HSD17B12: variants seen among roughly 807,000 people sequenced by gnomAD.
HSD17B12 encodes the protein hydroxysteroid 17-beta dehydrogenase 12.
In HSD17B12, 32 loss-of-function variants were observed where a neutral mutation model predicts 39.3. That is an observed-to-expected ratio of 0.81 (90% confidence interval 0.61 to 1.09). The LOEUF is 1.09. HSD17B12 is among the 50% of genes least tolerant of loss of function. HSD17B12 has a pLI of 0.00. For missense variants in HSD17B12, 342 were observed against 382.9 expected (o/e 0.89, Z 0.89); for synonymous variants, 150 against 146.7 (o/e 1.02, Z -0.16).
intron 3 of HSD17B12, among the ~76,000 whole-genome samples, chr11:43,777,307 G>C (rs1427816716): frequency 6.6e-6 from 1 of 152,196 alleles, no homozygotes; most frequent in Admixed American, 6.5e-5. Flanking sequence ...AGTTCTCCTT[G>C]AAGAGGTCCT....
chr11:43,783,251 A>G (rs908517216), intron 3 of HSD17B12, among the ~76,000 whole-genome samples: 3 of 152,204 alleles, frequency 2.0e-5, no homozygotes, highest in Non-Finnish European at 2.9e-5. Flanking sequence ...ATTCATCAAT[A>G]GTAATTATTC....
Position 43,824,503 on chromosome 11 carries a change from G to A in HSD17B12, c.502-6473G>A, listed in dbSNP as rs190206203. Among the ~76,000 whole-genome samples, 20 of 152,288 alleles carry A rather than the reference G, an allele frequency of 1.3e-4. No individual in the cohort carries two copies. The East Asian group carries it at 3.9e-3, about 29-fold the overall frequency. ...CCCACCAGATTTGGTGTCGAGTGAGGACCCCATTCTTCATAGATGGAGCCT... is the reference window on the plus strand; with the variant it reads ...CCCACCAGATTTGGTGTCGAGTGAGAACCCCATTCTTCATAGATGGAGCCT... On this transcript the variant is annotated intron_variant, in intron 6 of 10. Transcript: ENST00000278353.
chr11:43,815,123 A>T (rs1460491229), intron 4 of HSD17B12, among the ~76,000 whole-genome samples: 1 of 152,192 alleles, frequency 6.6e-6, no homozygotes, highest in African/African-American at 2.4e-5. Context: ...GAGTTAAGTA[A>T]TATCTCCAAA....
chr11:43,634,361 C>T, the HSD17B12 span, among the ~76,000 whole-genome samples: 1 of 152,136 alleles, frequency 6.6e-6, no homozygotes, highest in Admixed American at 6.5e-5. Flanking sequence ...TGGAAAAGTC[C>T]AAATAATCCA....
Position 43,855,243 on chromosome 11 carries a change from A to G in HSD17B12, c.934A>G (p.Asn312Asp). The G allele has an allele frequency of 6.3e-7, 1 of 1,595,670 alleles. No individual in the cohort carries two copies. Reference sequence around the variant, plus strand: ...TCACTATCTGAAGAAAACCAAGAAGAACTAAGCATTGATAACTGCATTGTA... The same window carrying G: ...TCACTATCTGAAGAAAACCAAGAAGGACTAAGCATTGATAACTGCATTGTA... Reference protein sequence around the residue: ...RAHYLKKTKKN With the variant: ...RAHYLKKTKKD The change falls in exon 11 of 11, where the codon AAC (asparagine) becomes GAC (aspartate). Residue 312 changes from asparagine to aspartate, a missense_variant. Asn to Asp is a conservative substitution (Grantham distance 23, BLOSUM62 1). Coordinates refer to ENST00000278353, the MANE Select transcript of HSD17B12 (RefSeq NM_016142.3).
At chr11:43,645,083 T>G in the HSD17B12 span, 1 of 152,274 alleles carries the variant, frequency 6.6e-6, no homozygotes, top group African/African-American at 2.4e-5. Flanking sequence ...CTGTGTTACC[T>G]TACTCTTGGC....
intron 9 of HSD17B12, chr11:43,854,451 T>C: frequency 2.6e-6 from 1 of 386,762 alleles, no homozygotes; most frequent in East Asian, 4.4e-5. Context: ...TTTTTAAAGG[T>C]TCAAAAAGGT....
At chr11:43,628,058 TG>T in the HSD17B12 span, among the ~76,000 whole-genome samples, 3 of 151,854 alleles carry the variant, frequency 2.0e-5, no homozygotes, top group African/African-American at 7.2e-5. Context: ...TTCTTTTTTT[TG>T]GTCAGTTTCC....
intron 1 of HSD17B12, among the ~76,000 whole-genome samples, chr11:43,701,458 A>G (rs1949963908): frequency 6.6e-6 from 1 of 152,184 alleles, no homozygotes; most frequent in South Asian, 2.1e-4. Flanking sequence ...TGGTAGTTTC[A>G]TAGTTTGAGG....
intron 1 of HSD17B12, among the ~76,000 whole-genome samples, chr11:43,749,659 A>G (rs1950447275): frequency 1.3e-5 from 2 of 151,102 alleles, no homozygotes; most frequent in South Asian, 4.2e-4. Context: ...TTAATTCTGG[A>G]AAGATATCAG....
At chr11:43,708,922 A>G (rs1052188583) in intron 1 of HSD17B12, among the ~76,000 whole-genome samples, 3 of 152,246 alleles carry the variant, frequency 2.0e-5, no homozygotes, top group African/African-American at 4.8e-5. Flanking sequence ...TTCTGGAACT[A>G]TAGAACAGAC....
chr11:43,680,980 A>C lies in HSD17B12; in HGVS notation c.153A>C (p.Glu51Asp), dbSNP rs56168061. 28 of 1,600,980 alleles carry C rather than the reference A, an allele frequency of 1.7e-5. No homozygotes were observed. In the Admixed American group the frequency reaches 4.8e-4, roughly 27 times the overall value. Residue 51 changes from glutamate (E) to aspartate (D), a missense_variant, in exon 1 of 11, where the codon GAA becomes GAC. Coordinates refer to ENST00000278353, the MANE Select transcript of HSD17B12 (RefSeq NM_016142.3). ...NEAGVGPGLG[E>D]WAVVTGSTDG... is the part of the protein sequence containing the mutation. ...CGGGGGTCGGCCCGGGGCTCGGAGA[A>C]TGGGCAGGTGAGTCGGATGCAGCGC...
At chr11:43,661,650 C>CA in the HSD17B12 span, among the ~76,000 whole-genome samples, 6 of 151,324 alleles carry the variant, frequency 4.0e-5, no homozygotes, top group African/African-American at 1.2e-4. Flanking sequence ...CCATTCTCCA[C>CA]AAAAAAGGAG....
In HSD17B12 at chr11:43,815,512, CT is replaced by C; in HGVS notation, c.456+14del. The C allele has an allele frequency of 6.6e-7, 1 of 1,521,708 alleles. No individual in the cohort carries two copies. The highest frequency in any genetic ancestry group is 9.0e-7 in the Non-Finnish European group (1 of 1,107,940). 94.3% of individuals were successfully genotyped at this position (1,521,708 alleles called of 1,614,324 possible). A position where few individuals can be genotyped will look rare whatever the true frequency, so the allele number is the denominator to read the frequency against. ...CCTGACTTGGACAATGTAAGTCTTT[CT>C]TTGTGTATTATGGTAACAAAAATAA... On this transcript the variant is annotated intron_variant, in intron 5 of 10. Transcript: ENST00000278353.
intron 7 of HSD17B12, among the ~76,000 whole-genome samples, chr11:43,837,143 G>A (rs1033912943): frequency 4.6e-5 from 7 of 152,132 alleles, no homozygotes; most frequent in African/African-American, 1.7e-4. Context: ...CCTAGAGGCT[G>A]GCAGATGGAG....
At position 43,830,820 on chromosome 11, in the gene HSD17B12, G is replaced by C. The variant is rs73540467; in HGVS notation, c.502-156G>C. The C allele has an allele frequency of 5.8e-3, 3,005 of 514,298 alleles. 85 individuals carry two copies. The highest frequency in any genetic ancestry group is 0.051 in the African/African-American group (2,624 of 51,064). The allele number at this position is 514,298 out of a possible 1,614,324, so 31.9% of individuals were successfully genotyped here. A position where few individuals can be genotyped will look rare whatever the true frequency, so the allele number is the denominator to read the frequency against. On this transcript the variant is annotated intron_variant, in intron 6 of 10. Coordinates refer to ENST00000278353, the MANE Select transcript of HSD17B12 (RefSeq NM_016142.3). ...TTCCTTTTTATGCCCTCTTGACACA[G>C]TCACATTCTACAGTGTACAGAAAAT... is the stretch of plus-strand genomic sequence containing the variant.
the HSD17B12 span, among the ~76,000 whole-genome samples, chr11:43,663,318 T>C: frequency 2.3e-4 from 35 of 152,362 alleles, no homozygotes; most frequent in African/African-American, 7.9e-4. Flanking sequence ...CAGGCTGGTC[T>C]CAAACTCCTG....
chr11:43,797,081 C>G (rs1373450339), intron 3 of HSD17B12, among the ~76,000 whole-genome samples: 2 of 152,114 alleles, frequency 1.3e-5, no homozygotes, highest in Non-Finnish European at 2.9e-5. Flanking sequence ...TCAGTTTATT[C>G]ATGGATTTCT....
the HSD17B12 span, among the ~76,000 whole-genome samples, chr11:43,655,436 C>T: frequency 1.3e-5 from 2 of 152,150 alleles, no homozygotes; most frequent in African/African-American, 4.8e-5. Flanking sequence ...GAACTTCCAA[C>T]ACTATGTTGA....
Sources: gnomAD v4.1 joint callset for allele counts (sites outside exome capture counted in the v4.1 genomes callset) on GRCh38, gnomAD v4.1.1 for gene constraint, MANE v1.5 for transcripts, NCBI Gene and HGNC (gene_info 2026-07-23, HGNC 2026-07-21) for gene names.